Variants in NACC1 observed in about 807,000 individuals in gnomAD.
The protein encoded by NACC1 is nucleus accumbens-associated protein 1.
A neutral mutation model predicts 41.7 loss-of-function variants in NACC1; 6 were observed. The observed-to-expected ratio is 0.14, with a 90% CI of 0.08 to 0.28. The LOEUF (loss-of-function observed/expected upper bound fraction) is 0.28. Among genes scored for constraint, NACC1 ranks in the 10% least tolerant of loss-of-function variants. The probability of loss-of-function intolerance (pLI) is 1.00; values close to 1 mark genes in which losing one functional copy is unlikely to be tolerated. For missense variants in NACC1, 434 were observed against 763.7 expected (o/e 0.57, Z 5.09); for synonymous variants, 338 against 330.6 (o/e 1.02, Z -0.24).
chr19:13,120,569 C>T (rs918897557), intron 1 of NACC1, among the ~76,000 whole-genome samples: 4 of 152,218 alleles, frequency 2.6e-5, no homozygotes, highest in African/African-American at 9.7e-5. Flanking sequence ...TCTTGCCTGT[C>T]TGGCTAGCCA....
In NACC1 at chr19:13,137,240, C is replaced by T. The variant is rs766612303; in HGVS notation, c.1121-31C>T. 3 of 1,606,816 alleles carry T rather than the reference C, an allele frequency of 1.9e-6. No homozygotes were observed. The South Asian group carries it at 3.3e-5, about 18-fold the overall frequency. ...GGGGGCTGTGGCGGTTTGGGGGCAC[C>T]CCAGGCCATCCTCCGGCTTCCTCTC... On this transcript the variant is annotated intron_variant, in intron 3 of 5. Coordinates refer to ENST00000292431, the MANE Select transcript of NACC1 (RefSeq NM_052876.4). The surrounding 1 kb of genome is among the most constrained non-coding windows in gnomAD (Gnocchi z 6.1).
chr19:13,126,029 A>G (rs1362229368), intron 1 of NACC1, among the ~76,000 whole-genome samples: 4 of 142,712 alleles, frequency 2.8e-5, no homozygotes, highest in Non-Finnish European at 6.0e-5. Flanking sequence ...GAACCACCAT[A>G]CCTGGCTGAA....
chr19:13,131,125 C>T (rs556927530), intron 1 of NACC1, among the ~76,000 whole-genome samples: 4 of 152,150 alleles, frequency 2.6e-5, no homozygotes, highest in Non-Finnish European at 4.4e-5. Flanking sequence ...AAATCATCCC[C>T]GGTGTCTCCT....
In NACC1 at chr19:13,138,458, C is replaced by T. The variant is rs1201990234; in HGVS notation, c.*52C>T. 1.4e-5 allele frequency: 22 copies of T among 1,588,100 alleles called. No homozygotes were observed. Among genetic ancestry groups the T allele is most frequent in the Admixed American group, 1.7e-5 (1 of 59,516 alleles). On this transcript the variant is annotated 3_prime_UTR_variant, in exon 6 of 6. Coordinates refer to ENST00000292431, the MANE Select transcript of NACC1 (RefSeq NM_052876.4). The surrounding 1 kb of genome is among the most constrained non-coding windows in gnomAD (Gnocchi z 5.7). ...CACTTCCCCTCCCAACACACACACA[C>T]ACCTGCCATCTTGGTCATGAGCTAC... is the stretch of plus-strand genomic sequence containing the variant.
intron 1 of NACC1, among the ~76,000 whole-genome samples, chr19:13,122,138 T>G (rs2019503081): frequency 6.6e-6 from 1 of 152,028 alleles, no homozygotes; most frequent in Non-Finnish European, 1.5e-5. Flanking sequence ...GTGTCTTAGG[T>G]TGTGATCTGT....
In NACC1 at chr19:13,135,996, C is replaced by T; in HGVS notation, c.789C>T (p.Ser263=). The T allele has an allele frequency of 6.2e-7, 1 of 1,612,734 alleles. No homozygotes were observed. The highest frequency in any genetic ancestry group is 8.5e-7 in the Non-Finnish European group (1 of 1,179,604). ...VSGPSTSERT[S]PGTSSAYTSD... ...GGCCCAGCACGTCGGAGCGGACCAG[C>T]CCAGGCACCTCAAGCGCCTACACCA... Residue 263 remains serine (S), a synonymous_variant, in exon 2 of 6, where the codon AGC becomes AGT. Transcript: ENST00000292431.
At chr19:13,121,289 G>A (rs2019488507) in intron 1 of NACC1, among the ~76,000 whole-genome samples, 1 of 152,138 alleles carries the variant, frequency 6.6e-6, no homozygotes, top group African/African-American at 2.4e-5. Context: ...CTTCTTCTGA[G>A]TGCTCTAAAC....
intron 1 of NACC1, among the ~76,000 whole-genome samples, chr19:13,129,970 G>A (rs2019612826): frequency 1.3e-5 from 2 of 151,980 alleles, no homozygotes; most frequent in Non-Finnish European, 2.9e-5. Flanking sequence ...AGGTCACCTT[G>A]AAGCAGTCCT....
chr19:13,133,285 A>C (rs1450563280), intron 1 of NACC1, among the ~76,000 whole-genome samples: 1 of 151,676 alleles, frequency 6.6e-6, no homozygotes, highest in Non-Finnish European at 1.5e-5. Context: ...ATTACAGAGG[A>C]GGCCGGGCGT....
intron 1 of NACC1, among the ~76,000 whole-genome samples, chr19:13,123,434 C>A (rs946665742): frequency 2.0e-5 from 3 of 152,050 alleles, no homozygotes; most frequent in Non-Finnish European, 4.4e-5. Context: ...CCGAGGGCTG[C>A]GAGGAGGAGC....
In NACC1 at chr19:13,136,020, C is replaced by T. The variant is rs547805057; in HGVS notation, c.813C>T (p.Thr271=). The change falls in exon 2 of 6, where the codon ACC becomes ACT. Residue 271 remains threonine (T), a synonymous_variant. Coordinates refer to ENST00000292431, the MANE Select transcript of NACC1 (RefSeq NM_052876.4). The surrounding 1 kb of genome is among the most constrained non-coding windows in gnomAD (Gnocchi z 5.5). ...GCCCAGGCACCTCAAGCGCCTACAC[C>T]AGCGACAGCCCTGGCTCCTACCACA... ...RTSPGTSSAY[T]SDSPGSYHNE... 13 of 1,613,840 alleles carry T rather than the reference C, an allele frequency of 8.1e-6. No individual in the cohort carries two copies. The African/African-American group carries it at 1.1e-4, about 13-fold the overall frequency.
chr19:13,135,651 G>A lies in NACC1; in HGVS notation c.444G>A (p.Ala148=), dbSNP rs372693618. ...APSSEPQSPV[A]QTSGWPACST... ...CGTCGGAGCCCCAGAGCCCCGTGGC[G>A]CAGACATCGGGCTGGCCAGCCTGTA... Residue 148 remains alanine, a synonymous_variant, in exon 2 of 6, where the codon GCG becomes GCA. Coordinates refer to ENST00000292431, the MANE Select transcript of NACC1 (RefSeq NM_052876.4). The A allele has an allele frequency of 4.0e-5, 63 of 1,561,662 alleles. No homozygotes were observed. Among genetic ancestry groups the A allele is most frequent in the Non-Finnish European group, 5.1e-5 (59 of 1,157,522 alleles).
At chr19:13,129,768 G>A (rs2019609049) in intron 1 of NACC1, among the ~76,000 whole-genome samples, 1 of 152,138 alleles carries the variant, frequency 6.6e-6, no homozygotes, top group African/African-American at 2.4e-5. Flanking sequence ...TGAGCATCAG[G>A]TTGGCTCTCA....
chr19:13,130,286 CAG>C (rs1306989455), intron 1 of NACC1, among the ~76,000 whole-genome samples: 12 of 152,130 alleles, frequency 7.9e-5, no homozygotes, highest in African/African-American at 2.9e-4. Flanking sequence ...CTATGTTGCC[CAG>C]ACTGGTCTTG....
Position 13,138,290 on chromosome 19 carries a change from A to C in NACC1, c.1468A>C (p.Thr490Pro), listed in dbSNP as rs535428331. Residue 490 changes from threonine to proline, a missense_variant, in exon 6 of 6, where the codon ACC becomes CCC. This residue lies in a region of NACC1 where 63 missense variants were observed against 68.4 expected (regional missense o/e 0.92). Transcript: ENST00000292431. This position sits in a 1 kb window ranked among gnomAD's most constrained non-coding sequence, Gnocchi z 5.7. ...GCTCAAGGCTGAGGATGACGCCTAC[A>C]CCACCTTCATCAGTGAAACGGGCAA... ...KVLKAEDDAY[T>P]TFISETGKIE... 2 of 1,614,224 alleles carry C rather than the reference A, an allele frequency of 1.2e-6. No individual in the cohort carries two copies. The highest frequency in any genetic ancestry group is 3.3e-5 in the Admixed American group (2 of 60,036).
intron 1 of NACC1, among the ~76,000 whole-genome samples, chr19:13,128,860 A>G (rs1312779423): frequency 6.6e-6 from 1 of 152,236 alleles, no homozygotes; most frequent in Non-Finnish European, 1.5e-5. Flanking sequence ...AGATCTGCTC[A>G]GGCCCAGGGC....
At chr19:13,126,048 CTTTTT>C (rs79360796) in intron 1 of NACC1, among the ~76,000 whole-genome samples, 22 of 141,028 alleles carry the variant, frequency 1.6e-4, no homozygotes, top group Admixed American at 1.5e-3. Context: ...AAAGGCCTAA[CTTTTT>C]TTTTTTTTTT....
intron 1 of NACC1, among the ~76,000 whole-genome samples, chr19:13,126,647 G>A (rs748054906): frequency 1.3e-5 from 2 of 152,076 alleles, no homozygotes; most frequent in African/African-American, 4.8e-5. Context: ...GTAACACTGC[G>A]GTCTCAATAG....
chr19:13,124,416 A>T (rs2019537360), intron 1 of NACC1, among the ~76,000 whole-genome samples: 1 of 151,974 alleles, frequency 6.6e-6, no homozygotes. Flanking sequence ...AGAAAAAAAA[A>T]TACTGATGCA....
Sources: gnomAD v4.1 joint callset for allele counts (sites outside exome capture counted in the v4.1 genomes callset) on GRCh38, gnomAD v4.1.1 for gene constraint, gnomAD v4.1.1 regional missense constraint, Gnocchi (gnomAD v3.1) non-coding constraint, MANE v1.5 for transcripts, NCBI Gene and HGNC (gene_info 2026-07-23, HGNC 2026-07-21) for gene names.